ANO10: variants seen among roughly 807,000 people sequenced by gnomAD.
ANO10 encodes anoctamin-10.
A neutral mutation model predicts 74.7 loss-of-function variants in ANO10; 77 were observed. That is an observed-to-expected ratio of 1.03 (90% CI 0.86 to 1.25). ANO10 has a LOEUF of 1.25. Ranked by LOEUF, ANO10 falls within the 50% of genes most tolerant of loss-of-function variation. ANO10 has a pLI of 0.00. For missense variants in ANO10, 721 were observed against 778.1 expected (o/e 0.93, Z 0.87); for synonymous variants, 279 against 284.9 (o/e 0.98, Z 0.21).
intron 12 of ANO10, among the ~76,000 whole-genome samples, chr3:43,382,474 G>A (rs368996710): frequency 5.0e-4 from 75 of 149,640 alleles, no homozygotes; most frequent in Non-Finnish European, 7.3e-4. Flanking sequence ...AGCCGAGATC[G>A]CGCCACTGCA....
At chr3:43,471,763 AC>A (rs1360935323) in intron 11 of ANO10, among the ~76,000 whole-genome samples, 1 of 152,120 alleles carries the variant, frequency 6.6e-6, no homozygotes, top group African/African-American at 2.4e-5. Flanking sequence ...ACACAGTGAG[AC>A]CCCATCCCTA....
intron 12 of ANO10, among the ~76,000 whole-genome samples, chr3:43,372,193 T>G (rs1440359257): frequency 6.6e-6 from 1 of 152,138 alleles, no homozygotes; most frequent in Non-Finnish European, 1.5e-5. Context: ...CAGGAAGCAG[T>G]GCCACCACCA....
chr3:43,690,883 C>T, intron 1 of ANO10: 1 of 1,235,618 alleles, frequency 8.1e-7, no homozygotes, highest in Non-Finnish European at 1.1e-6. Flanking sequence ...GCGCGGAAGA[C>T]GCATGCGCTG....
At chr3:43,591,035 CG>C (rs2081718940) in intron 4 of ANO10, among the ~76,000 whole-genome samples, 1 of 152,194 alleles carries the variant, frequency 6.6e-6, no homozygotes. Flanking sequence ...GGACAATGAT[CG>C]GGATATAAAC....
At chr3:43,497,507 GAA>G in intron 11 of ANO10, among the ~76,000 whole-genome samples, 1 of 152,296 alleles carries the variant, frequency 6.6e-6, no homozygotes, top group East Asian at 1.9e-4. Flanking sequence ...TCCAGTCCCA[GAA>G]AAGTAGAGAA....
chr3:43,448,541 A>G (rs73081041), intron 11 of ANO10, among the ~76,000 whole-genome samples: 129 of 152,270 alleles, frequency 8.5e-4, no homozygotes, highest in Non-Finnish European at 1.6e-3. Flanking sequence ...TCTTCTTAAC[A>G]GTGATTATTA....
chr3:43,676,322 G>A (rs1409462361), intron 1 of ANO10, among the ~76,000 whole-genome samples: 1 of 151,844 alleles, frequency 6.6e-6, no homozygotes, highest in African/African-American at 2.4e-5. Context: ...AAATAGCTAG[G>A]CATGGTGGTA....
At chr3:43,393,074 C>T (rs1266962023) in intron 12 of ANO10, among the ~76,000 whole-genome samples, 1 of 152,216 alleles carries the variant, frequency 6.6e-6, no homozygotes, top group African/African-American at 2.4e-5. Flanking sequence ...TGAGAGAGAC[C>T]ATGCACACCC....
intron 1 of ANO10, among the ~76,000 whole-genome samples, chr3:43,654,019 G>C (rs1422835577): frequency 6.7e-6 from 1 of 149,914 alleles, no homozygotes. Flanking sequence ...CATCTCCAAT[G>C]TGTCTGAAGA....
intron 1 of ANO10, among the ~76,000 whole-genome samples, chr3:43,630,382 G>A (rs1366446355): frequency 6.6e-6 from 1 of 151,910 alleles, no homozygotes; most frequent in Non-Finnish European, 1.5e-5. Flanking sequence ...GATTCAAAAA[G>A]TTTTAAAATA....
chr3:43,632,793 G>T (rs1397662778), intron 1 of ANO10, among the ~76,000 whole-genome samples: 2 of 152,156 alleles, frequency 1.3e-5, no homozygotes, highest in Non-Finnish European at 2.9e-5. Context: ...TTCACGATTT[G>T]ATTTTTCATG....
chr3:43,552,697 GATATATATATATAT>G lies in ANO10; in HGVS notation c.1668+2567_1668+2580del, dbSNP rs57438732. On this transcript the variant is annotated intron_variant, in intron 10 of 12. Transcript: ENST00000292246. Reference sequence around the variant, plus strand: ...TCATTTCTGAAAAATATTATCTCTGGATATATATATATATATATATATATATATATATGTATGTA... The same window carrying G: ...TCATTTCTGAAAAATATTATCTCTGGATATATATATATATATATGTATGTA... Among the ~76,000 whole-genome samples the G allele has an allele frequency of 7.2e-4, 90 of 124,490 alleles. No individual in the cohort carries two copies. In the Middle Eastern group the frequency reaches 0.018, roughly 24 times the overall value. 81.7% of individuals were successfully genotyped at this position (124,490 alleles called of 152,430 possible).
intron 4 of ANO10, among the ~76,000 whole-genome samples, chr3:43,591,757 A>G (rs1575498228): frequency 6.6e-6 from 1 of 152,318 alleles, no homozygotes; most frequent in East Asian, 1.9e-4. Context: ...TGGGTGCAGG[A>G]CAGTGGGTGC....
intron 11 of ANO10, among the ~76,000 whole-genome samples, chr3:43,498,632 C>T (rs533225849): frequency 3.9e-5 from 6 of 152,302 alleles, no homozygotes; most frequent in African/African-American, 1.4e-4. Flanking sequence ...CATTCCCTTC[C>T]CTCTACTTTG....
intron 11 of ANO10, among the ~76,000 whole-genome samples, chr3:43,537,653 G>A (rs1161884724): frequency 8.1e-6 from 1 of 123,398 alleles, no homozygotes; most frequent in Non-Finnish European, 1.7e-5. Context: ...ACACACACAC[G>A]TAACTAATAT....
chr3:43,468,738 T>G (rs1396611073), intron 11 of ANO10, among the ~76,000 whole-genome samples: 1 of 149,342 alleles, frequency 6.7e-6, no homozygotes, highest in African/African-American at 2.5e-5. Context: ...TGAGACAGAG[T>G]CTCGCTCTGT....
intron 11 of ANO10, among the ~76,000 whole-genome samples, chr3:43,526,563 G>C (rs2078206802): frequency 6.6e-6 from 1 of 152,130 alleles, no homozygotes; most frequent in Non-Finnish European, 1.5e-5. Flanking sequence ...AATTTAAAGA[G>C]GCAAAACTAA....
intron 12 of ANO10, among the ~76,000 whole-genome samples, chr3:43,375,933 G>A (rs1260257918): frequency 1.3e-5 from 2 of 152,232 alleles, no homozygotes; most frequent in Non-Finnish European, 2.9e-5. Flanking sequence ...AAACAGGCAT[G>A]TGCTTTAAAT....
intron 12 of ANO10, among the ~76,000 whole-genome samples, chr3:43,396,960 G>C (rs1188442594): frequency 6.7e-6 from 1 of 149,238 alleles, no homozygotes; most frequent in Non-Finnish European, 1.5e-5. Context: ...ATGGAGTTTC[G>C]CTCTTGTTGC....
Sources: gnomAD v4.1 joint callset for allele counts (sites outside exome capture counted in the v4.1 genomes callset) on GRCh38, gnomAD v4.1.1 for gene constraint, MANE v1.5 for transcripts, NCBI Gene and HGNC (gene_info 2026-07-23, HGNC 2026-07-21) for gene names.